Variants in CLIP4 observed in about 807,000 individuals in gnomAD.
CLIP4 encodes the protein CAP-Gly domain containing linker protein family member 4.
A neutral mutation model predicts 73.1 loss-of-function variants in CLIP4; 47 were observed. The observed-to-expected ratio is 0.64, with a 90% CI of 0.51 to 0.82. The LOEUF is 0.82. CLIP4 is among the 40% of genes least tolerant of loss of function. CLIP4 has a pLI of 0.00. For missense variants in CLIP4, 874 were observed against 852.9 expected, an observed-to-expected ratio of 1.02 and a Z score of -0.31; for synonymous variants, 306 against 295.4, an observed-to-expected ratio of 1.04 and a Z score of -0.37.
intron 1 of CLIP4, among the ~76,000 whole-genome samples, chr2:29,103,340 C>T (rs1179926395): frequency 6.6e-6 from 1 of 151,852 alleles, no homozygotes; most frequent in Non-Finnish European, 1.5e-5. Flanking sequence ...TTCTTAATGA[C>T]CCAATTTTCT....
At chr2:29,122,378 T>C (rs1458168600) in intron 2 of CLIP4, among the ~76,000 whole-genome samples, 1 of 152,100 alleles carries the variant, frequency 6.6e-6, no homozygotes, top group African/African-American at 2.4e-5. Context: ...TTTTCAGATA[T>C]AACAAAATCA....
intron 1 of CLIP4, among the ~76,000 whole-genome samples, chr2:29,116,356 A>G (rs1296203644): frequency 1.3e-5 from 2 of 152,240 alleles, no homozygotes; most frequent in Non-Finnish European, 2.9e-5. Flanking sequence ...TCAGAGGATG[A>G]TGTTCCTATG....
intron 2 of CLIP4, among the ~76,000 whole-genome samples, chr2:29,127,932 GAATTATGACTGATAA>G (rs1320007063): frequency 6.6e-6 from 1 of 152,054 alleles, no homozygotes; most frequent in East Asian, 1.9e-4. Flanking sequence ...ATAATAACTG[GAATTATGACTGATAA>G]AATTATACCA....
At chr2:29,116,133 C>T (rs1663807524) in intron 1 of CLIP4, among the ~76,000 whole-genome samples, 1 of 152,242 alleles carries the variant, frequency 6.6e-6, no homozygotes, top group South Asian at 2.1e-4. Context: ...AACCAAATGG[C>T]TGTCCTTGCA....
intron 14 of CLIP4, among the ~76,000 whole-genome samples, chr2:29,170,913 T>C (rs1487642549): frequency 6.6e-6 from 1 of 152,186 alleles, no homozygotes; most frequent in Non-Finnish European, 1.5e-5. Flanking sequence ...GACTAATTTA[T>C]ATTGGGCTAT....
In CLIP4 at chr2:29,145,341, A is replaced by G. The variant is rs746342437; in HGVS notation, c.995A>G (p.Gln332Arg). 3 of 1,612,244 alleles carry G rather than the reference A, an allele frequency of 1.9e-6. No homozygotes were observed. Among genetic ancestry groups the G allele is most frequent in the Non-Finnish European group, 2.5e-6 (3 of 1,178,566 alleles). The stretch of plus-strand genomic sequence containing the variant: ...AATAATGGAAGTGTTGGAAAAGTCC[A>G]GTACTTTAAATGTGCCCCCAAGTAT... ...GKNNGSVGKV[Q>R]YFKCAPKYGI... Residue 332 changes from glutamine to arginine, a missense_variant, in exon 8 of 16, where the codon CAG (glutamine) becomes CGG (arginine). Gln to Arg is a conservative substitution (Grantham distance 43). Transcript: ENST00000320081.
chr2:29,117,329 CT>C (rs1558512034), intron 1 of CLIP4, among the ~76,000 whole-genome samples: 2 of 150,360 alleles, frequency 1.3e-5, no homozygotes, highest in Admixed American at 1.3e-4. Context: ...TTCTCTCTCT[CT>C]TTTTTTTGTT....
rs116181812 is a variant in CLIP4, at chr2:29,172,792, A to G, written c.1724-1581A>G. On this transcript the variant is annotated intron_variant, in intron 14 of 15. Transcript: ENST00000320081. The stretch of plus-strand genomic sequence containing the variant: ...CTATATTTTGGATATCTTTAGACCC[A>G]TCATTCTGTTTCTTGATTCTCTCTT... 4.4e-3 allele frequency among the ~76,000 whole-genome samples: 666 copies of G among 152,198 alleles called. 3 individuals carry two copies. The highest frequency in any genetic ancestry group is 0.015 in the African/African-American group (624 of 41,540).
upstream of CLIP4, chr2:29,114,915 G>A (rs1558509039): frequency 2.6e-5 from 4 of 152,330 alleles, no homozygotes; most frequent in Non-Finnish European, 4.4e-5. Flanking sequence ...AGAGAGTCAG[G>A]CTGTCAGAGT....
intron 7 of CLIP4, 58 bp downstream of exon 7, chr2:29,144,003 C>T: frequency 2.2e-6 from 3 of 1,380,012 alleles, no homozygotes; most frequent in Non-Finnish European, 3.0e-6. Flanking sequence ...GACCTATGTT[C>T]AAGGACACAG....
chr2:29,099,464 C>CT (rs1233823307), intron 1 of CLIP4, among the ~76,000 whole-genome samples: 1 of 152,128 alleles, frequency 6.6e-6, no homozygotes, highest in Non-Finnish European at 1.5e-5. Flanking sequence ...AAAGACTATC[C>CT]TTTTTTTCCA....
chr2:29,144,059 A>G (rs1665980898), intron 7 of CLIP4, 114 bp downstream of exon 7: 14 of 767,602 alleles, frequency 1.8e-5, no homozygotes, highest in Non-Finnish European at 2.7e-5. Context: ...ACATGTAGGT[A>G]GAAAGATGCT....
At chr2:29,129,953 C>G (rs1185107591) in intron 2 of CLIP4, 1 of 470,492 alleles carries the variant, frequency 2.1e-6, no homozygotes, top group Non-Finnish European at 4.4e-6. Flanking sequence ...AAGGTCTTAA[C>G]TATTAAGGAT....
intron 11 of CLIP4, among the ~76,000 whole-genome samples, chr2:29,159,438 A>G (rs1667142229): frequency 6.6e-6 from 1 of 152,176 alleles, no homozygotes; most frequent in Non-Finnish European, 1.5e-5. Flanking sequence ...TCTATGTTTA[A>G]TAGTGGGCAT....
intron 1 of CLIP4, among the ~76,000 whole-genome samples, chr2:29,103,007 T>C (rs941544392): frequency 1.3e-5 from 2 of 152,142 alleles, no homozygotes; most frequent in South Asian, 4.1e-4. Context: ...TCTGGACTCT[T>C]GGGCCTGGAT....
chr2:29,169,348 TGTGTGTG>T (rs1463029457), intron 14 of CLIP4, among the ~76,000 whole-genome samples: 2 of 151,216 alleles, frequency 1.3e-5, no homozygotes, highest in African/African-American at 4.9e-5. Flanking sequence ...TGTGTGTGTG[TGTGTGTG>T]TGTGTGTGTG....
chr2:29,169,445 A>T (rs1054979838), intron 14 of CLIP4, among the ~76,000 whole-genome samples: 1 of 151,468 alleles, frequency 6.6e-6, no homozygotes, highest in African/African-American at 2.4e-5. Flanking sequence ...ATTTAACTTA[A>T]TTACTTCCAA....
chr2:29,171,126 T>A (rs947152187), intron 14 of CLIP4, among the ~76,000 whole-genome samples: 2 of 152,204 alleles, frequency 1.3e-5, no homozygotes, highest in Non-Finnish European at 2.9e-5. Flanking sequence ...TTTGTCAATA[T>A]CCATAAAATA....
chr2:29,162,411 AT>A (rs1667350410), intron 12 of CLIP4, among the ~76,000 whole-genome samples: 1 of 152,154 alleles, frequency 6.6e-6, no homozygotes. Context: ...TCTCATCAGC[AT>A]TTTTTATCAG....
Sources: allele counts gnomAD v4.1 joint callset (sites outside exome capture counted in the v4.1 genomes callset), GRCh38; gene constraint gnomAD v4.1.1; transcripts MANE v1.5; gene names NCBI Gene and HGNC (gene_info 2026-07-23, HGNC 2026-07-21).